The following CHRM1 variants were observed in gnomAD, a reference collection of about 807,000 sequenced individuals.
CHRM1 encodes muscarinic acetylcholine receptor M1.
A neutral mutation model predicts 31.6 loss-of-function variants in CHRM1; 5 were observed. The ratio of observed to expected loss-of-function variants is 0.16; its 90% confidence interval spans 0.08 to 0.33. CHRM1 has a LOEUF of 0.33. Among genes scored for constraint, CHRM1 ranks in the 10% least tolerant of loss-of-function variants. The probability of loss-of-function intolerance (pLI) is 1.00; values close to 1 mark genes in which losing one functional copy is unlikely to be tolerated. For missense variants in CHRM1, 338 were observed against 610.3 expected (o/e 0.55, Z 4.70); for synonymous variants, 227 against 249.7 (o/e 0.91, Z 0.86).
At chr11:62,916,036 C>T (rs1433989383) in intron 1 of CHRM1, among the ~76,000 whole-genome samples, 1 of 152,120 alleles carries the variant, frequency 6.6e-6, no homozygotes, top group Non-Finnish European at 1.5e-5. Flanking sequence ...TCTCGAACTC[C>T]TGACCTCAGG....
intron 1 of CHRM1, among the ~76,000 whole-genome samples, chr11:62,920,110 A>G (rs1335388546): frequency 6.6e-6 from 1 of 152,180 alleles, no homozygotes; most frequent in Non-Finnish European, 1.5e-5. Context: ...GGCTGAGGTC[A>G]GAGGGCAGAG....
At position 62,910,205 on chromosome 11, in the gene CHRM1, T is replaced by G. The variant is rs2085861669; in HGVS notation, c.896A>C (p.Glu299Ala). ...CACCATTGGCATCTTGATCACCACT[T>G]CGGAGCCAGGCTCCTCTCCCTCTGA... ...TSSEGEEPGSEVVIKMPMVDP... is the reference protein window; with the variant it reads ...TSSEGEEPGSAVVIKMPMVDP... Residue 299 changes from glutamate (E) to alanine (A), a missense_variant, in exon 2 of 2, where the codon GAA becomes GCA. Glu to Ala is a moderately radical substitution (Grantham distance 107). Transcript: ENST00000306960. The surrounding 1 kb of genome is among the most constrained non-coding windows in gnomAD (Gnocchi z 8.7). The G allele has an allele frequency of 6.2e-7, 1 of 1,605,624 alleles. No individual in the cohort carries two copies.
At chr11:62,917,615 T>C (rs2085907336) in intron 1 of CHRM1, among the ~76,000 whole-genome samples, 1 of 152,066 alleles carries the variant, frequency 6.6e-6, no homozygotes. Context: ...AGGCTGGGAA[T>C]GGTGGAGGTG....
At position 62,910,086 on chromosome 11, in the gene CHRM1, TGCC is replaced by T. The variant is rs2135039394; in HGVS notation, c.1012_1014del (p.Gly338del). On this transcript the variant is annotated inframe_deletion, in exon 2 of 2. Transcript: ENST00000306960. This position sits in a 1 kb window ranked among gnomAD's most constrained non-coding sequence, Gnocchi z 8.7. ...TCCTTTCCACGGGGCTTCTGGCCCT[TGCC>T]AGCTCGATCACGCCCTTTCTTAGTC... is the stretch of plus-strand genomic sequence containing the variant. 2 of 1,612,798 alleles carry T rather than the reference TGCC, an allele frequency of 1.2e-6. No individual in the cohort carries two copies. The highest frequency in any genetic ancestry group is 1.7e-6 in the Non-Finnish European group (2 of 1,179,714).
intron 1 of CHRM1, among the ~76,000 whole-genome samples, chr11:62,913,435 A>G (rs112127607): frequency 0.12 from 18,840 of 152,042 alleles, 1,484 homozygotes; most frequent in Admixed American, 0.27. Flanking sequence ...ACTTTGGGAG[A>G]CCGAGGCGGG....
chr11:62,912,509 C>T (rs2085877315), intron 1 of CHRM1, among the ~76,000 whole-genome samples: 1 of 152,154 alleles, frequency 6.6e-6, no homozygotes, highest in South Asian at 2.1e-4. Context: ...TCTCCTGGCT[C>T]TGTTCCTGGG....
rs1189756417 is a variant in CHRM1 at position 62,909,036 on chromosome 11, TC to T, written c.*681del. The T allele has an allele frequency of 6.6e-6, 1 of 152,404 alleles. No homozygotes were observed. The highest frequency in any genetic ancestry group is 1.9e-4 in the East Asian group (1 of 5,194). The allele number at this position is 152,404 out of a possible 1,614,324, so 9.4% of individuals were successfully genotyped here. A position where few individuals can be genotyped will look rare whatever the true frequency, so the allele number is the denominator to read the frequency against. ...CCAGGAAAATGATATTGTAGGACAG[TC>T]AGGACACCTGGCTCCTGGTCCTGTT... is the stretch of plus-strand genomic sequence containing the variant. On this transcript the variant is annotated 3_prime_UTR_variant, in exon 2 of 2. Transcript: ENST00000306960.
rs113267250 is a variant in CHRM1, at chr11:62,909,498, G to A, written c.*220C>T. 13 of 592,076 alleles carry A rather than the reference G, an allele frequency of 2.2e-5. No individual in the cohort carries two copies. Among genetic ancestry groups the A allele is most frequent in the African/African-American group, 1.9e-4 (10 of 53,918 alleles). 36.7% of individuals were successfully genotyped at this position (592,076 alleles called of 1,614,324 possible). ...TGAAGAGCGCATTCCCACCCAGCAG[G>A]GAACAGAAAAACCAGTTCCCCGGGT... On this transcript the variant is annotated 3_prime_UTR_variant, in exon 2 of 2. Transcript: ENST00000306960.
chr11:62,921,009 T>C (rs1196421035), intron 1 of CHRM1, among the ~76,000 whole-genome samples: 1 of 152,034 alleles, frequency 6.6e-6, no homozygotes, highest in African/African-American at 2.4e-5. Context: ...CTATATCCAC[T>C]CAAAGCCAGG....
rs759126078 is a variant in CHRM1 at position 62,911,141 on chromosome 11, A to G, written c.-41T>C. On this transcript the variant is annotated 5_prime_UTR_variant, in exon 2 of 2. Coordinates refer to ENST00000306960, the MANE Select transcript of CHRM1 (RefSeq NM_000738.3). ...CTGGGGTTGGAGAGCCCCTTCCTCC[A>G]GGCACGCTACAGGGCTTCCTCAGGG... 23 of 1,590,346 alleles carry G rather than the reference A, an allele frequency of 1.4e-5. No homozygotes were observed. The highest frequency in any genetic ancestry group is 1.9e-4 in the Middle Eastern group (1 of 5,252).
rs551810387 is a variant in CHRM1 at position 62,920,232 on chromosome 11, G to C, written c.-79+986C>G. On this transcript the variant is annotated intron_variant, in intron 1 of 1. Coordinates refer to ENST00000306960, the MANE Select transcript of CHRM1 (RefSeq NM_000738.3). ...CCAGTTGGGCAGGGGTCTTGGGTCA[G>C]TCTGGGTGGAGCTGCAGGTGTGTTT... Among the ~76,000 whole-genome samples, 3 of 152,342 alleles carry C rather than the reference G, an allele frequency of 2.0e-5. No homozygotes were observed. In the East Asian group the frequency reaches 5.8e-4, roughly 29 times the overall value.
In CHRM1 at chr11:62,910,191, T is replaced by A. The variant is rs2085861518; in HGVS notation, c.910A>T (p.Met304Leu). Residue 304 changes from methionine (M) to leucine (L), a missense_variant, in exon 2 of 2, where the codon ATG (methionine) becomes TTG (leucine). Physicochemically the swap from Met to Leu is conservative, Grantham distance 15. Coordinates refer to ENST00000306960, the MANE Select transcript of CHRM1 (RefSeq NM_000738.3). The surrounding 1 kb of genome is among the most constrained non-coding windows in gnomAD (Gnocchi z 8.7). ...EEPGSEVVIK[M>L]PMVDPEAQAP... ...TGTGCCTCGGGGTCCACCATTGGCATCTTGATCACCACTTCGGAGCCAGGC... is the reference window on the plus strand; with the variant it reads ...TGTGCCTCGGGGTCCACCATTGGCAACTTGATCACCACTTCGGAGCCAGGC... 6.2e-7 allele frequency: 1 copy of A among 1,603,450 alleles called. No homozygotes were observed. The highest frequency in any genetic ancestry group is 2.2e-5 in the East Asian group (1 of 44,786).
chr11:62,916,037 T>C (rs944388773), intron 1 of CHRM1, among the ~76,000 whole-genome samples: 1 of 152,156 alleles, frequency 6.6e-6, no homozygotes, highest in African/African-American at 2.4e-5. Context: ...CTCGAACTCC[T>C]GACCTCAGGT....
intron 1 of CHRM1, among the ~76,000 whole-genome samples, chr11:62,915,174 C>CAAAAAA (rs34590771): frequency 4.4e-5 from 1 of 22,722 alleles, no homozygotes; most frequent in Non-Finnish European, 7.5e-5. Flanking sequence ...GACCCTGTCT[C>CAAAAAA]AAAAAAAAAA....
chr11:62,916,686 G>A (rs1053477338), intron 1 of CHRM1, among the ~76,000 whole-genome samples: 1 of 152,170 alleles, frequency 6.6e-6, no homozygotes, highest in African/African-American at 2.4e-5. Context: ...ACATCCCATG[G>A]GGGGCTCTAT....
At chr11:62,912,106 C>T (rs183185118) in intron 1 of CHRM1, among the ~76,000 whole-genome samples, 1 of 151,956 alleles carries the variant, frequency 6.6e-6, no homozygotes, top group African/African-American at 2.4e-5. Flanking sequence ...TGGTGGCTCA[C>T]ACCTGTAATC....
chr11:62,915,791 A>G (rs2085897208), intron 1 of CHRM1, among the ~76,000 whole-genome samples: 1 of 152,062 alleles, frequency 6.6e-6, no homozygotes, highest in Non-Finnish European at 1.5e-5. Context: ...TTAAAAAGTT[A>G]AAGCCTTATT....
rs1025427196 is a variant in CHRM1, at chr11:62,911,368, G to A, written c.-78-190C>T. Among the ~76,000 whole-genome samples, 8 of 152,196 alleles carry A rather than the reference G, an allele frequency of 5.3e-5. No individual in the cohort carries two copies. In the East Asian group the frequency reaches 5.8e-4, roughly 11 times the overall value. On this transcript the variant is annotated intron_variant, in intron 1 of 1. Coordinates refer to ENST00000306960, the MANE Select transcript of CHRM1 (RefSeq NM_000738.3). ...AGCCATAAGTGGATTTGCCAGCAGC[G>A]TGGAGTGGCTTTGGGATCCAGGGAT... is the stretch of plus-strand genomic sequence containing the variant.
intron 1 of CHRM1, among the ~76,000 whole-genome samples, chr11:62,915,047 C>G (rs576629431): frequency 1.3e-5 from 2 of 152,044 alleles, no homozygotes; most frequent in African/African-American, 4.8e-5. Context: ...TGGTGGCGGG[C>G]ACCTATGGTC....
Sources: gnomAD v4.1 joint callset for allele counts (sites outside exome capture counted in the v4.1 genomes callset) on GRCh38, gnomAD v4.1.1 for gene constraint, Gnocchi (gnomAD v3.1) non-coding constraint, MANE v1.5 for transcripts, NCBI Gene and HGNC (gene_info 2026-07-23, HGNC 2026-07-21) for gene names.